SMYD3: variants seen among roughly 807,000 people sequenced by gnomAD.
SMYD3 encodes SET and MYND domain containing 3.
Under a neutral mutation model 57.7 loss-of-function variants are expected in SMYD3, and 36 were observed. That is an observed-to-expected ratio of 0.62 (90% CI 0.48 to 0.82). The LOEUF (loss-of-function observed/expected upper bound fraction) is 0.82, where lower values mean the gene tolerates loss of function less well. Among genes scored for constraint, SMYD3 ranks in the 40% least tolerant of loss-of-function variants. The probability of loss-of-function intolerance (pLI) is 0.00; values close to 1 mark genes in which losing one functional copy is unlikely to be tolerated. For synonymous variants in SMYD3, 211 were observed against 195.0 expected (o/e 1.08, Z -0.68); for missense variants, 515 against 538.8 (o/e 0.96, Z 0.44).
At chr1:246,303,195 C>T (rs1558388829) in intron 5 of SMYD3, among the ~76,000 whole-genome samples, 1 of 152,152 alleles carries the variant, frequency 6.6e-6, no homozygotes, top group Non-Finnish European at 1.5e-5. Context: ...TAAAATTCTG[C>T]TAATAATAGT....
intron 10 of SMYD3, among the ~76,000 whole-genome samples, chr1:245,790,506 C>T (rs1000248742): frequency 7.9e-5 from 12 of 152,190 alleles, no homozygotes; most frequent in Admixed American, 6.5e-4. Context: ...ACCTTGAGGG[C>T]AATTGTACTT....
intron 10 of SMYD3, among the ~76,000 whole-genome samples, chr1:245,765,385 T>C (rs1418244949): frequency 1.3e-5 from 2 of 149,132 alleles, no homozygotes; most frequent in African/African-American, 4.9e-5. Context: ...TGAGACCCTG[T>C]TTCAAAAAAA....
chr1:246,306,466 T>C, intron 5 of SMYD3, among the ~76,000 whole-genome samples: 1 of 152,324 alleles, frequency 6.6e-6, no homozygotes, highest in Non-Finnish European at 1.5e-5. Context: ...TGAATAAAAC[T>C]ATATTTTATA....
intron 8 of SMYD3, among the ~76,000 whole-genome samples, chr1:245,908,109 G>A (rs375677045): frequency 7.2e-5 from 11 of 151,794 alleles, no homozygotes; most frequent in African/African-American, 2.7e-4. Context: ...GCACTCCAAC[G>A]TGGTGATAGA....
intron 5 of SMYD3, among the ~76,000 whole-genome samples, chr1:246,287,746 T>C (rs1415833082): frequency 1.3e-5 from 2 of 152,186 alleles, no homozygotes; most frequent in Non-Finnish European, 2.9e-5. Flanking sequence ...GAAACAGGAA[T>C]ACAAAGAGAA....
At chr1:246,162,379 G>A (rs1295249396) in intron 5 of SMYD3, among the ~76,000 whole-genome samples, 1 of 152,230 alleles carries the variant, frequency 6.6e-6, no homozygotes, top group Non-Finnish European at 1.5e-5. Context: ...GACAACCTAA[G>A]TTGACACCAT....
At chr1:245,783,644 C>A (rs1156324185) in intron 10 of SMYD3, among the ~76,000 whole-genome samples, 1 of 151,846 alleles carries the variant, frequency 6.6e-6, no homozygotes, top group African/African-American at 2.4e-5. Flanking sequence ...GTAGAAAATC[C>A]CAAGGAATTT....
intron 5 of SMYD3, among the ~76,000 whole-genome samples, chr1:246,234,358 A>C (rs1306837951): frequency 6.6e-6 from 1 of 150,588 alleles, no homozygotes; most frequent in Non-Finnish European, 1.5e-5. Context: ...GAGGAGAAGC[A>C]CTCCTTCAGT....
intron 5 of SMYD3, among the ~76,000 whole-genome samples, chr1:246,148,801 G>A (rs1263040384): frequency 6.6e-6 from 1 of 152,182 alleles, no homozygotes; most frequent in South Asian, 2.1e-4. Context: ...ATTTTCCAGG[G>A]ATCAGCCCTT....
At chr1:246,309,670 A>C (rs1442525696) in intron 5 of SMYD3, among the ~76,000 whole-genome samples, 1 of 152,204 alleles carries the variant, frequency 6.6e-6, no homozygotes, top group Non-Finnish European at 1.5e-5. Context: ...AAGGACACTA[A>C]TGAGGTTTTA....
chr1:246,216,891 T>C (rs1349870028), intron 5 of SMYD3, among the ~76,000 whole-genome samples: 1 of 152,124 alleles, frequency 6.6e-6, no homozygotes, highest in Non-Finnish European at 1.5e-5. Flanking sequence ...CACAAAGCAC[T>C]GGAGGCTGTG....
chr1:245,944,208 T>C (rs895683237), intron 5 of SMYD3, among the ~76,000 whole-genome samples: 1 of 152,168 alleles, frequency 6.6e-6, no homozygotes, highest in Non-Finnish European at 1.5e-5. Flanking sequence ...TTGTCTTTGT[T>C]TGCAGATAAC....
intron 5 of SMYD3, chr1:246,322,373 G>A (rs965255309): frequency 6.6e-6 from 1 of 151,484 alleles, no homozygotes; most frequent in Non-Finnish European, 1.5e-5. Flanking sequence ...TTCCCAAAGA[G>A]GGGGAAAAAA....
intron 1 of SMYD3, among the ~76,000 whole-genome samples, chr1:246,500,807 G>T (rs118091279): frequency 1.3e-5 from 2 of 152,178 alleles, no homozygotes; most frequent in Non-Finnish European, 2.9e-5. Flanking sequence ...GATTAAGAAC[G>T]CCCTCTGCTG....
rs60921522 is a variant in SMYD3 at position 246,122,065 on chromosome 1, T to TAA, written c.532-192130_532-192129dup. On this transcript the variant is annotated intron_variant, in intron 5 of 11. Coordinates refer to ENST00000490107, the MANE Select transcript of SMYD3 (RefSeq NM_001167740.2). Reference sequence around the variant, plus strand: ...GAATGAACAGGAAGAAAAGACTAATTAAAAAAAAAAAGAATCTCCAATATT... The same window carrying TAA: ...GAATGAACAGGAAGAAAAGACTAATTAAAAAAAAAAAAAGAATCTCCAATATT... Among the ~76,000 whole-genome samples the TAA allele has an allele frequency of 1.5e-3, 225 of 146,938 alleles. 3 individuals carry two copies. The highest frequency in any genetic ancestry group is 5.4e-3 in the African/African-American group (218 of 40,636).
intron 5 of SMYD3, among the ~76,000 whole-genome samples, chr1:246,047,494 A>C (rs534963509): frequency 1.7e-4 from 26 of 152,340 alleles, no homozygotes; most frequent in Admixed American, 4.6e-4. Context: ...GTATTACCTC[A>C]AAGCATACAC....
intron 5 of SMYD3, among the ~76,000 whole-genome samples, chr1:245,934,717 G>C (rs1349104879): frequency 6.6e-6 from 1 of 152,076 alleles, no homozygotes; most frequent in Non-Finnish European, 1.5e-5. Flanking sequence ...GTTACCGGAA[G>C]GTTTACGAGA....
chr1:245,909,795 G>T (rs1483939334), intron 8 of SMYD3, among the ~76,000 whole-genome samples: 3 of 151,518 alleles, frequency 2.0e-5, no homozygotes, highest in African/African-American at 7.3e-5. Flanking sequence ...TAACAAACTG[G>T]GTATGAGGGA....
intron 5 of SMYD3, among the ~76,000 whole-genome samples, chr1:246,150,290 T>C (rs1203460530): frequency 1.3e-5 from 2 of 152,224 alleles, no homozygotes; most frequent in African/African-American, 4.8e-5. Context: ...ACAGATCACA[T>C]TTCTTGGCCA....
Sources: allele counts gnomAD v4.1 joint callset (sites outside exome capture counted in the v4.1 genomes callset), GRCh38; gene constraint gnomAD v4.1.1; transcripts MANE v1.5; gene names NCBI Gene and HGNC (gene_info 2026-07-23, HGNC 2026-07-21).